FBXL5: variants seen among roughly 807,000 people sequenced by gnomAD.
FBXL5 encodes F-box and leucine rich repeat protein 5.
Under a neutral mutation model 78.3 loss-of-function variants are expected in FBXL5, and 26 were observed. The observed-to-expected ratio is 0.33, with a 90% CI of 0.24 to 0.46. FBXL5 has a LOEUF of 0.46. FBXL5 is among the 20% of genes least tolerant of loss of function. The probability of loss-of-function intolerance (pLI) is 1.00; values close to 1 mark genes in which losing one functional copy is unlikely to be tolerated. For synonymous variants in FBXL5, 295 were observed against 282.5 expected (o/e 1.04, Z -0.45); for missense variants, 710 against 829.2 (o/e 0.86, Z 1.77).
At chr4:15,623,635 A>C (rs1481906104) in intron 9 of FBXL5, among the ~76,000 whole-genome samples, 1 of 152,144 alleles carries the variant, frequency 6.6e-6, no homozygotes, top group African/African-American at 2.4e-5. Flanking sequence ...TGTAATAAAA[A>C]TTTTTTAAAG....
intron 1 of FBXL5, among the ~76,000 whole-genome samples, chr4:15,645,753 T>C (rs1261651143): frequency 1.3e-5 from 2 of 152,232 alleles, no homozygotes; most frequent in Non-Finnish European, 2.9e-5. Context: ...TGTGTTAATC[T>C]TGATGTTAAA....
rs535847740 is a variant in FBXL5 at position 15,632,295 on chromosome 4, C to A, written c.767-1504G>T. ...TATATCTCTGTTTTGGTACCAGTACCATGCTGTTTTGGTTACTGTAGCCTT... is the reference window on the plus strand; with the variant it reads ...TATATCTCTGTTTTGGTACCAGTACAATGCTGTTTTGGTTACTGTAGCCTT... On this transcript the variant is annotated intron_variant, in intron 5 of 10. Transcript: ENST00000341285. 6.2e-4 allele frequency among the ~76,000 whole-genome samples: 95 copies of A among 152,232 alleles called. 1 individual carries two copies. The highest frequency in any genetic ancestry group is 6.8e-4 in the Non-Finnish European group (46 of 68,010).
At chr4:15,607,848 A>G (rs1373206752) in intron 10 of FBXL5, among the ~76,000 whole-genome samples, 1 of 152,206 alleles carries the variant, frequency 6.6e-6, no homozygotes, top group Non-Finnish European at 1.5e-5. Context: ...ATTCCATTCT[A>G]AATTTTTTTA....
chr4:15,634,378 T>G (rs1714014066), intron 5 of FBXL5, among the ~76,000 whole-genome samples: 1 of 152,108 alleles, frequency 6.6e-6, no homozygotes, highest in Non-Finnish European at 1.5e-5. Flanking sequence ...TTTGTTTTGT[T>G]TTTTTTGAGA....
upstream of FBXL5, among the ~76,000 whole-genome samples, chr4:15,660,431 A>T (rs1717249984): frequency 6.6e-6 from 1 of 152,172 alleles, no homozygotes; most frequent in Non-Finnish European, 1.5e-5. Flanking sequence ...ATCCCCAATT[A>T]CACAAGACAC....
At chr4:15,619,689 C>A (rs1355134946) in intron 9 of FBXL5, among the ~76,000 whole-genome samples, 1 of 152,016 alleles carries the variant, frequency 6.6e-6, no homozygotes, top group Non-Finnish European at 1.5e-5. Flanking sequence ...TAAATGACAT[C>A]CAAATTGAAA....
At position 15,626,051 on chromosome 4, in the gene FBXL5, T is replaced by C. The variant is rs1713029714; in HGVS notation, c.1125-74A>G. The C allele has an allele frequency of 1.1e-5, 15 of 1,321,102 alleles. No individual in the cohort carries two copies. The South Asian group carries it at 1.7e-4, about 15-fold the overall frequency. 81.8% of individuals were successfully genotyped at this position (1,321,102 alleles called of 1,614,324 possible). A position where few individuals can be genotyped will look rare whatever the true frequency, so the allele number is the denominator to read the frequency against. On this transcript the variant is annotated intron_variant, in intron 8 of 10. Coordinates refer to ENST00000341285, the MANE Select transcript of FBXL5 (RefSeq NM_012161.4). ...AAGCATTTGACTATATGCATGTAGA[T>C]GAAAACCAGAAGAAAGATTTGACAT...
At chr4:15,663,305 T>A (rs1377125083), upstream of FBXL5, among the ~76,000 whole-genome samples, 1 of 152,212 alleles carries the variant, frequency 6.6e-6, no homozygotes, top group African/African-American at 2.4e-5. Context: ...CAATAAATGA[T>A]AGGTATCTTT....
chr4:15,680,893 A>G (rs1718221295), intron 1 of FBXL5, among the ~76,000 whole-genome samples: 2 of 149,334 alleles, frequency 1.3e-5, no homozygotes, highest in African/African-American at 2.4e-5. Context: ...AACCCAAAAA[A>G]ATAAAGCAGT....
chr4:15,639,374 A>T (rs867833986), intron 3 of FBXL5, among the ~76,000 whole-genome samples: 1 of 152,230 alleles, frequency 6.6e-6, no homozygotes, highest in African/African-American at 2.4e-5. Context: ...TCTGCCTCAC[A>T]TGAGAGTAGT....
chr4:15,663,783 G>A (rs1717415889), upstream of FBXL5, among the ~76,000 whole-genome samples: 3 of 152,204 alleles, frequency 2.0e-5, no homozygotes, highest in Admixed American at 2.0e-4. Context: ...TACAGATTCA[G>A]TAAGTCCAAA....
At chr4:15,665,547 A>G (rs1042102309) in intron 1 of FBXL5, among the ~76,000 whole-genome samples, 1 of 152,176 alleles carries the variant, frequency 6.6e-6, no homozygotes, top group East Asian at 1.9e-4. Context: ...ACCCACAGCT[A>G]ATATTCAAAT....
chr4:15,668,460 TA>T (rs1056706485), intron 1 of FBXL5, among the ~76,000 whole-genome samples: 3 of 152,158 alleles, frequency 2.0e-5, no homozygotes, highest in Non-Finnish European at 4.4e-5. Context: ...CACATTCTTT[TA>T]TTTTTTTTTG....
At chr4:15,617,550 A>AC in intron 9 of FBXL5, among the ~76,000 whole-genome samples, 1 of 151,484 alleles carries the variant, frequency 6.6e-6, no homozygotes, top group Non-Finnish European at 1.5e-5. Flanking sequence ...TGTCTCAAAA[A>AC]AAAAAAAAAA....
chr4:15,617,263 C>T (rs368981719), intron 9 of FBXL5, among the ~76,000 whole-genome samples: 12 of 152,162 alleles, frequency 7.9e-5, no homozygotes, highest in East Asian at 1.9e-4. Context: ...GGTACAAGGC[C>T]GGGCACAGTG....
chr4:15,615,258 G>A (rs1283508472), intron 9 of FBXL5, among the ~76,000 whole-genome samples: 1 of 152,072 alleles, frequency 6.6e-6, no homozygotes, highest in East Asian at 1.9e-4. Flanking sequence ...CCTGCTCCAC[G>A]GCACCCAGTC....
At chr4:15,638,419 T>A (rs1173585216) in intron 4 of FBXL5, 89 bp downstream of exon 4, 1 of 957,590 alleles carries the variant, frequency 1.0e-6, no homozygotes, top group African/African-American at 1.8e-5. Context: ...TAACTTGAAT[T>A]ATTCCTCAAC....
At position 15,650,494 on chromosome 4, in the gene FBXL5, G is replaced by A. The variant is rs537888439; in HGVS notation, c.84+4710C>T. 3.3e-5 allele frequency among the ~76,000 whole-genome samples: 5 copies of A among 152,148 alleles called. No individual in the cohort carries two copies. In the East Asian group the frequency reaches 9.6e-4, roughly 29 times the overall value. On this transcript the variant is annotated intron_variant, in intron 1 of 10. Transcript: ENST00000341285. ...AATAGGTCACAGGACACATTTTGAA[G>A]AGCACTCTTCTACAGTAAAATATAA...
rs921270059 is a variant in FBXL5, at chr4:15,674,637, C to T, written c.-284+6746G>A. ...TTCTATCATCTTAGAAGATTATCAA[C>T]GTTATGGGATTTTTGGGTTTTTTTT... On this transcript the variant is annotated intron_variant, in intron 1 of 4. Transcript: ENST00000507899. Among the ~76,000 whole-genome samples the T allele has an allele frequency of 3.3e-5, 5 of 151,074 alleles. 1 individual carries two copies. The South Asian group carries it at 6.2e-4, about 19-fold the overall frequency.
Sources: allele counts gnomAD v4.1 joint callset (sites outside exome capture counted in the v4.1 genomes callset), GRCh38; gene constraint gnomAD v4.1.1; transcripts MANE v1.5; gene names NCBI Gene and HGNC (gene_info 2026-07-23, HGNC 2026-07-21).